The following CNTN5 variants were observed in gnomAD, a reference collection of about 807,000 sequenced individuals.
CNTN5 encodes the protein contactin 5.
Under a neutral mutation model 129.1 loss-of-function variants are expected in CNTN5, and 77 were observed. That is an observed-to-expected ratio of 0.60 (90% confidence interval 0.50 to 0.72). The LOEUF (loss-of-function observed/expected upper bound fraction) is 0.72. Among genes scored for constraint, CNTN5 ranks in the 30% least tolerant of loss-of-function variants. The pLI, the probability that CNTN5 is intolerant of heterozygous loss-of-function variation, is 0.00. For missense variants in CNTN5, 1,478 were observed against 1,328.8 expected, an observed-to-expected ratio of 1.11 and a Z score of -1.75; for synonymous variants, 509 against 465.6, an observed-to-expected ratio of 1.09 and a Z score of -1.20.
At chr11:99,464,875 A>T (rs1944872900) in intron 2 of CNTN5, among the ~76,000 whole-genome samples, 1 of 152,196 alleles carries the variant, frequency 6.6e-6, no homozygotes, top group Admixed American at 6.5e-5. Flanking sequence ...TCACCTCAAA[A>T]TTCACAACTT....
intron 18 of CNTN5, among the ~76,000 whole-genome samples, chr11:100,280,250 G>T (rs574206251): frequency 6.6e-6 from 1 of 151,872 alleles, no homozygotes; most frequent in East Asian, 1.9e-4. Flanking sequence ...TGTCTGGAAG[G>T]TCTGTCTAGT....
rs564288647 is a variant in CNTN5, at chr11:99,487,940, C to T, written c.-70-68205C>T. On this transcript the variant is annotated intron_variant, in intron 2 of 24. Transcript: ENST00000524871. Reference sequence around the variant, plus strand: ...TGAAAGAGTGGGAGAAGATTTATCCCACAGTAAATATAACTAATTATAAGT... The same window carrying T: ...TGAAAGAGTGGGAGAAGATTTATCCTACAGTAAATATAACTAATTATAAGT... Among the ~76,000 whole-genome samples, 6 of 152,240 alleles carry T rather than the reference C, an allele frequency of 3.9e-5. No individual in the cohort carries two copies. The South Asian group carries it at 1.0e-3, about 26-fold the overall frequency.
intron 1 of CNTN5, among the ~76,000 whole-genome samples, chr11:99,177,965 C>T (rs1331318578): frequency 6.6e-6 from 1 of 151,868 alleles, no homozygotes; most frequent in Non-Finnish European, 1.5e-5. Context: ...TATATGAAAA[C>T]AGGACAAGAT....
intron 21 of CNTN5, chr11:100,337,159 A>G: frequency 7.0e-7 from 1 of 1,435,784 alleles, no homozygotes; most frequent in Non-Finnish European, 9.8e-7. Flanking sequence ...TGCACCCATG[A>G]ATGTTCACCA....
intron 13 of CNTN5, among the ~76,000 whole-genome samples, chr11:100,092,058 GACT>G (rs1306743776): frequency 6.6e-6 from 1 of 151,988 alleles, no homozygotes; most frequent in Non-Finnish European, 1.5e-5. Context: ...ATATTATTAT[GACT>G]ACTTTCATAT....
At chr11:99,962,389 T>C (rs1950973359) in intron 8 of CNTN5, among the ~76,000 whole-genome samples, 1 of 148,554 alleles carries the variant, frequency 6.7e-6, no homozygotes, top group Non-Finnish European at 1.5e-5. Flanking sequence ...TTCCCACCTA[T>C]GAGTGAGAAG....
At chr11:99,956,712 A>G in intron 7 of CNTN5, 94 bp from the exon 8 acceptor site, 3 of 820,852 alleles carry the variant, frequency 3.7e-6, no homozygotes. Context: ...ACCTTGCAAT[A>G]TATCTAATGC....
intron 3 of CNTN5, among the ~76,000 whole-genome samples, chr11:99,611,463 C>A (rs1950590754): frequency 1.3e-5 from 2 of 152,144 alleles, no homozygotes; most frequent in South Asian, 4.1e-4. Flanking sequence ...TAGTATTTAT[C>A]TGGCGGCTTA....
chr11:99,996,116 T>C (rs551596012), intron 8 of CNTN5, among the ~76,000 whole-genome samples: 12 of 152,334 alleles, frequency 7.9e-5, no homozygotes, highest in Non-Finnish European at 1.6e-4. Context: ...CTGCAAATTA[T>C]AGTGTTATTA....
intron 4 of CNTN5, among the ~76,000 whole-genome samples, chr11:99,834,155 A>G (rs1221345571): frequency 6.6e-6 from 1 of 152,184 alleles, no homozygotes; most frequent in African/African-American, 2.4e-5. Flanking sequence ...TTTGTTCAGA[A>G]CTTAACCAGA....
At chr11:99,649,844 C>T (rs557428306) in intron 3 of CNTN5, among the ~76,000 whole-genome samples, 1 of 151,656 alleles carries the variant, frequency 6.6e-6, no homozygotes, top group Non-Finnish European at 1.5e-5. Flanking sequence ...ATTGCCAATA[C>T]TTTATGTTGG....
chr11:99,558,040 G>T (rs1948729448), intron 3 of CNTN5, among the ~76,000 whole-genome samples: 1 of 151,714 alleles, frequency 6.6e-6, no homozygotes, highest in Non-Finnish European at 1.5e-5. Flanking sequence ...CAAGGAAAAA[G>T]GATACCTCTA....
chr11:100,171,834 G>A lies in CNTN5; in HGVS notation c.1581-19292G>A, dbSNP rs577202729. Among the ~76,000 whole-genome samples the A allele has an allele frequency of 5.3e-5, 7 of 131,856 alleles. No individual in the cohort carries two copies. The South Asian group carries it at 1.1e-3, about 21-fold the overall frequency. The allele number at this position is 131,856 out of a possible 152,430, so 86.5% of individuals were successfully genotyped here. On this transcript the variant is annotated intron_variant, in intron 13 of 24. Coordinates refer to ENST00000524871, the MANE Select transcript of CNTN5 (RefSeq NM_014361.4). ...GAGACAGGTTTTTACCAAACTATTC[G>A]AAAAGCTAAAAGAAAAAAAAACCTC...
At chr11:99,206,191 A>G (rs950989940) in intron 1 of CNTN5, among the ~76,000 whole-genome samples, 1 of 152,054 alleles carries the variant, frequency 6.6e-6, no homozygotes, top group Admixed American at 6.6e-5. Context: ...GGGATTGTGC[A>G]GGTAGATTTA....
intron 8 of CNTN5, among the ~76,000 whole-genome samples, chr11:99,987,847 A>T (rs192626506): frequency 3.3e-5 from 5 of 152,118 alleles, no homozygotes; most frequent in African/African-American, 9.6e-5. Flanking sequence ...CATAATTTTT[A>T]AAATAGTTTT....
At chr11:99,831,933 A>G (rs187689618) in intron 4 of CNTN5, among the ~76,000 whole-genome samples, 2 of 152,310 alleles carry the variant, frequency 1.3e-5, no homozygotes. Context: ...GAAGAGGATC[A>G]GCTTTCATGA....
intron 3 of CNTN5, among the ~76,000 whole-genome samples, chr11:99,679,974 C>A (rs150566785): frequency 6.6e-6 from 1 of 152,278 alleles, no homozygotes; most frequent in East Asian, 1.9e-4. Context: ...AAACCAGCTA[C>A]GACATTCCCT....
chr11:99,825,343 T>C (rs901873160), intron 4 of CNTN5, among the ~76,000 whole-genome samples: 1 of 152,076 alleles, frequency 6.6e-6, no homozygotes, highest in Non-Finnish European at 1.5e-5. Flanking sequence ...CTATAGTGAT[T>C]ATCACTAATG....
chr11:99,433,943 G>C (rs1183401630), intron 2 of CNTN5, among the ~76,000 whole-genome samples: 2 of 152,032 alleles, frequency 1.3e-5, no homozygotes, highest in African/African-American at 4.8e-5. Context: ...TAAAAGAAAT[G>C]AACATTTTTC....
Sources: allele counts gnomAD v4.1 joint callset (sites outside exome capture counted in the v4.1 genomes callset), GRCh38; gene constraint gnomAD v4.1.1; transcripts MANE v1.5; gene names NCBI Gene and HGNC (gene_info 2026-07-23, HGNC 2026-07-21).